Variants in ADGRB1 observed in about 807,000 individuals in gnomAD.
ADGRB1 encodes adhesion G protein-coupled receptor B1.
Under a neutral mutation model 175.7 loss-of-function variants are expected in ADGRB1, and 36 were observed. That is an observed-to-expected ratio of 0.20 (90% CI 0.16 to 0.27). ADGRB1 has a LOEUF of 0.27. Among genes scored for constraint, ADGRB1 ranks in the 10% least tolerant of loss-of-function variants. ADGRB1 has a pLI of 1.00. For synonymous variants in ADGRB1, 1,054 were observed against 979.4 expected (o/e 1.08, Z -1.42); for missense variants, 1,731 against 2,255.3 (o/e 0.77, Z 4.71).
chr8:142,451,020 C>T (rs1839316160), intron 1 of ADGRB1, among the ~76,000 whole-genome samples: 1 of 152,174 alleles, frequency 6.6e-6, no homozygotes. Flanking sequence ...TGGAGCCGCG[C>T]GGAGCTGCCT....
In ADGRB1 at chr8:142,511,003, C is replaced by T; in HGVS notation, c.2747C>T (p.Ala916Val). Residue 916 changes from alanine to valine, a missense_variant, in exon 18 of 31, where the codon GCC (alanine) becomes GTC (valine). Ala to Val is a moderately conservative substitution (Grantham distance 64). Transcript: ENST00000517894. The surrounding 1 kb of genome is among the most constrained non-coding windows in gnomAD (Gnocchi z 4.5). Reference sequence around the variant, plus strand: ...GGCTGCCGCACGGTGCCCCTCGACGCCCTCCGGACGCGCTGCCTCTGTGAC... The same window carrying T: ...GGCTGCCGCACGGTGCCCCTCGACGTCCTCCGGACGCGCTGCCTCTGTGAC... ...WRGCRTVPLD[A>V]LRTRCLCDRL... 7.5e-7 allele frequency: 1 copy of T among 1,325,616 alleles called. No individual in the cohort carries two copies. The highest frequency in any genetic ancestry group is 9.8e-7 in the Non-Finnish European group (1 of 1,021,468). The allele number at this position is 1,325,616 out of a possible 1,614,324, so 82.1% of individuals were successfully genotyped here. A position where few individuals can be genotyped will look rare whatever the true frequency, so the allele number is the denominator to read the frequency against.
At chr8:142,517,633 C>T (rs191013330) in intron 18 of ADGRB1, among the ~76,000 whole-genome samples, 6 of 151,948 alleles carry the variant, frequency 3.9e-5, no homozygotes, top group East Asian at 3.9e-4. Flanking sequence ...GGGATGTGTC[C>T]GGGCTGTGGA....
Position 142,537,028 on chromosome 8 carries a change from G to T in ADGRB1, c.3612G>T (p.Glu1204Asp). The T allele has an allele frequency of 6.3e-7, 1 of 1,590,492 alleles. No homozygotes were observed. The highest frequency in any genetic ancestry group is 1.1e-5 in the South Asian group (1 of 87,590). The change falls in exon 26 of 31, where the codon GAG becomes GAT. Residue 1204 changes from glutamate to aspartate, a missense_variant. Around this residue, in one of 8 missense-constraint regions of ADGRB1, gnomAD observed 301 missense variants for 488.4 expected, o/e 0.62. Coordinates refer to ENST00000517894, the MANE Select transcript of ADGRB1 (RefSeq NM_001702.3). This position sits in a 1 kb window ranked among gnomAD's most constrained non-coding sequence, Gnocchi z 4.6. Reference sequence around the variant, plus strand: ...AATGCCGTGTGGTTGACCGGCAGGAGGAGGGCAACGGGGACTCAGGGGGCT... The same window carrying T: ...AATGCCGTGTGGTTGACCGGCAGGATGAGGGCAACGGGGACTCAGGGGGCT... ...AVKCRVVDRQ[E>D]EGNGDSGGSF...
intron 13 of ADGRB1, among the ~76,000 whole-genome samples, chr8:142,486,239 C>T (rs969906143): frequency 2.0e-5 from 3 of 152,158 alleles, no homozygotes; most frequent in East Asian, 1.9e-4. Flanking sequence ...AAGAACTGGA[C>T]GCCAGCAAGA....
intron 18 of ADGRB1, among the ~76,000 whole-genome samples, chr8:142,514,002 C>T (rs1010784396): frequency 6.6e-6 from 1 of 151,764 alleles, no homozygotes; most frequent in Non-Finnish European, 1.5e-5. Flanking sequence ...ACCCAGGGGT[C>T]CCAGCAGGAG....
At chr8:142,476,794 C>A in intron 4 of ADGRB1, 99 bp downstream of exon 4, 1 of 1,213,412 alleles carries the variant, frequency 8.2e-7, no homozygotes, top group Non-Finnish European at 1.1e-6. Context: ...GAATAACATG[C>A]CATAACTAGA....
At chr8:142,478,589 G>A (rs774738935) in intron 7 of ADGRB1, among the ~76,000 whole-genome samples, 11 of 151,486 alleles carry the variant, frequency 7.3e-5, no homozygotes, top group Non-Finnish European at 1.6e-4. Context: ...AGGAGAGTGG[G>A]GCATGGGGTG....
intron 25 of ADGRB1, among the ~76,000 whole-genome samples, chr8:142,534,023 C>T (rs936399330): frequency 1.3e-5 from 2 of 152,352 alleles, no homozygotes; most frequent in Middle Eastern, 3.4e-3. Flanking sequence ...AGGAGCGGGG[C>T]GGCCACCTCC....
chr8:142,535,398 C>T lies in ADGRB1; in HGVS notation c.3571-1589C>T, dbSNP rs115905062. On this transcript the variant is annotated intron_variant, in intron 25 of 30. Transcript: ENST00000517894. Reference sequence around the variant, plus strand: ...GACAGAGGACACCAGGGCCAGACTTCCCCGAAGCCCCCAGTGAGCTCCCAG... The same window carrying T: ...GACAGAGGACACCAGGGCCAGACTTTCCCGAAGCCCCCAGTGAGCTCCCAG... 8.0e-3 allele frequency among the ~76,000 whole-genome samples: 1,214 copies of T among 152,252 alleles called. 12 individuals are homozygous for T. Among genetic ancestry groups the T allele is most frequent in the African/African-American group, 0.028 (1,151 of 41,522 alleles).
At chr8:142,452,493 G>T (rs1429263878) in intron 1 of ADGRB1, among the ~76,000 whole-genome samples, 4 of 152,194 alleles carry the variant, frequency 2.6e-5, no homozygotes, top group African/African-American at 9.6e-5. Flanking sequence ...TCCCTCTCCC[G>T]CAGGCTCCGG....
At chr8:142,467,729 C>G (rs1840357442) in intron 2 of ADGRB1, among the ~76,000 whole-genome samples, 1 of 152,192 alleles carries the variant, frequency 6.6e-6, no homozygotes, top group African/African-American at 2.4e-5. Flanking sequence ...CCAGCCTGAC[C>G]CGGCTTGCCG....
At chr8:142,488,174 T>A (rs969341626) in intron 13 of ADGRB1, among the ~76,000 whole-genome samples, 190 bp from the exon 14 acceptor site, 1 of 152,212 alleles carries the variant, frequency 6.6e-6, no homozygotes, top group East Asian at 1.9e-4. Context: ...TCTCTGCTCC[T>A]GGACCTCACC....
rs533484998 is a variant in ADGRB1 at position 142,461,552 on chromosome 8, G to A, written c.-219-2428G>A. 5.3e-5 allele frequency among the ~76,000 whole-genome samples: 8 copies of A among 152,312 alleles called. No homozygotes were observed. The East Asian group carries it at 1.4e-3, about 26-fold the overall frequency. On this transcript the variant is annotated intron_variant, in intron 1 of 30. Coordinates refer to ENST00000517894, the MANE Select transcript of ADGRB1 (RefSeq NM_001702.3). ...GAGGCCCTAGACTCCGTGCCCGGCC[G>A]CAGGCCCACAGAGGCTGGTCCTTGT...
chr8:142,498,677 C>T (rs1434559397), intron 17 of ADGRB1, among the ~76,000 whole-genome samples: 5 of 152,092 alleles, frequency 3.3e-5, no homozygotes, highest in African/African-American at 4.8e-5. Flanking sequence ...CAACTGGAGA[C>T]CACCAGCCAC....
chr8:142,533,850 G>A (rs1407033214), intron 25 of ADGRB1, among the ~76,000 whole-genome samples: 1 of 152,214 alleles, frequency 6.6e-6, no homozygotes, highest in South Asian at 2.1e-4. Context: ...TTTCCAGAAG[G>A]TGTCACTAGA....
rs891032592 is a variant in ADGRB1 at position 142,489,446 on chromosome 8, C to A, written c.2631+8C>A. ...TTTGCCCACATGTATAATGTGAGTG[C>A]CGTCCACGTGCACACTCTGATGCCA... On this transcript the variant is annotated splice_region_variant and intron_variant, in intron 16 of 30. Transcript: ENST00000517894. 6.2e-7 allele frequency: 1 copy of A among 1,610,732 alleles called. No homozygotes were observed. The highest frequency in any genetic ancestry group is 8.5e-7 in the Non-Finnish European group (1 of 1,178,120).
Position 142,543,990 on chromosome 8 carries a change from C to T in ADGRB1, c.4558-230C>T, listed in dbSNP as rs893276882. ...AGGGCAGGGTCCCCACAGCCTGACC[C>T]GACCGTGGGGTTCGCAACCTCTGCC... is the stretch of plus-strand genomic sequence containing the variant. On this transcript the variant is annotated intron_variant, in intron 30 of 30. Coordinates refer to ENST00000517894, the MANE Select transcript of ADGRB1 (RefSeq NM_001702.3). The surrounding 1 kb of genome is among the most constrained non-coding windows in gnomAD (Gnocchi z 4.4). Among the ~76,000 whole-genome samples the T allele has an allele frequency of 6.6e-6, 1 of 152,092 alleles. No individual in the cohort carries two copies. The highest frequency in any genetic ancestry group is 2.4e-5 in the African/African-American group (1 of 41,432).
intron 19 of ADGRB1, among the ~76,000 whole-genome samples, chr8:142,520,594 T>C (rs1177516466): frequency 2.2e-5 from 1 of 45,612 alleles, no homozygotes; most frequent in East Asian, 8.3e-4. Flanking sequence ...TGGTACTGAT[T>C]GTGATGGTGG....
At chr8:142,536,728 C>T (rs998282584) in intron 25 of ADGRB1, among the ~76,000 whole-genome samples, 5 of 152,082 alleles carry the variant, frequency 3.3e-5, no homozygotes, top group African/African-American at 9.7e-5. Flanking sequence ...CAGCAGCTCT[C>T]GGTGGCTGGG....
Sources: allele counts gnomAD v4.1 joint callset (sites outside exome capture counted in the v4.1 genomes callset), GRCh38; gene constraint gnomAD v4.1.1; regional missense constraint gnomAD v4.1.1; non-coding constraint Gnocchi (gnomAD v3.1); transcripts MANE v1.5; gene names NCBI Gene and HGNC (gene_info 2026-07-23, HGNC 2026-07-21).